The following NAP1L2 variants were observed in gnomAD, a reference collection of about 807,000 sequenced individuals.
NAP1L2 encodes nucleosome assembly protein 1 like 2, also known as nucleosome assembly protein 1-like 2.
For synonymous variants in NAP1L2, 165 were observed against 126.0 expected, an observed-to-expected ratio of 1.31 and a Z score of -2.07; for missense variants, 376 against 338.5, an observed-to-expected ratio of 1.11 and a Z score of -0.87.
In NAP1L2 at chrX:73,214,425, A is replaced by G. The variant is rs753396487; in HGVS notation, c.68T>C (p.Met23Thr). 6 of 1,210,494 alleles carry G rather than the reference A, an allele frequency of 5.0e-6. No individual in the cohort carries two copies. Among genetic ancestry groups the G allele is most frequent in the Non-Finnish European group, 6.7e-6 (6 of 895,237 alleles). ...SSQEEAGNQIMVEGLGEHLER... is the reference protein window; with the variant it reads ...SSQEEAGNQITVEGLGEHLER... Reference sequence around the variant, plus strand: ...CAGATGTTCCCCGAGCCCTTCCACCATTATCTGATTACCAGCCTCTTCTTG... The same window carrying G: ...CAGATGTTCCCCGAGCCCTTCCACCGTTATCTGATTACCAGCCTCTTCTTG... The change falls in exon 1 of 1, where the codon ATG (methionine) becomes ACG (threonine). Residue 23 changes from methionine (M) to threonine (T), a missense_variant. Met to Thr is a moderately conservative substitution (Grantham distance 81). Transcript: ENST00000373517.
Position 73,213,116 on chromosome X carries a change from A to G in NAP1L2, c.1377T>C (p.Asp459=), listed in dbSNP as rs760897261. The G allele has an allele frequency of 8.3e-7, 1 of 1,201,571 alleles. No individual in the cohort carries two copies. The highest frequency in any genetic ancestry group is 1.1e-6 in the Non-Finnish European group (1 of 890,512). Reference sequence around the variant, plus strand: ...GGGCCATGTATACTCTGCTCTAACGATCAATGTCTTCTACTAATGCCTCAA... The same window carrying G: ...GGGCCATGTATACTCTGCTCTAACGGTCAATGTCTTCTACTAATGCCTCAA... The part of the protein sequence containing the change: ...KNLEALVEDI[D]R Residue 459 remains aspartate, a synonymous_variant, in exon 1 of 1, where the codon GAT becomes GAC. Transcript: ENST00000373517.
rs547173627 is a variant in NAP1L2, at chrX:73,212,519, A to G, written c.*591T>C. ...ACTTCACCGACAAACAATAACCTCAATATAACTAAGTTTCATTATTTATCA... is the reference window on the plus strand; with the variant it reads ...ACTTCACCGACAAACAATAACCTCAGTATAACTAAGTTTCATTATTTATCA... On this transcript the variant is annotated 3_prime_UTR_variant, in exon 1 of 1. Transcript: ENST00000373517. 2.7e-5 allele frequency: 3 copies of G among 112,108 alleles called. No homozygotes were observed. The highest frequency in any genetic ancestry group is 9.7e-5 in the African/African-American group (3 of 30,960). 9.2% of individuals were successfully genotyped at this position (112,108 alleles called of 1,213,427 possible). A position where few individuals can be genotyped will look rare whatever the true frequency, so the allele number is the denominator to read the frequency against.
chrX:73,212,836 C>A lies in NAP1L2; in HGVS notation c.*274G>T, dbSNP rs1603302607. The A allele has an allele frequency of 3.9e-6, 1 of 255,829 alleles. No homozygotes were observed. Among genetic ancestry groups the A allele is most frequent in the East Asian group, 6.1e-5 (1 of 16,420 alleles). The allele number at this position is 255,829 out of a possible 1,213,427, so 21.1% of individuals were successfully genotyped here. The stretch of plus-strand genomic sequence containing the variant: ...CTTAGCATTTCTGATCATTTCATAG[C>A]CACAGATTAATAGCTACATGACAAA... On this transcript the variant is annotated 3_prime_UTR_variant, in exon 1 of 1. Coordinates refer to ENST00000373517, the MANE Select transcript of NAP1L2 (RefSeq NM_021963.4).
In NAP1L2 at chrX:73,214,291, C is replaced by G; in HGVS notation, c.202G>C (p.Gly68Arg). The G allele has an allele frequency of 8.3e-7, 1 of 1,211,344 alleles. No individual in the cohort carries two copies. Among genetic ancestry groups the G allele is most frequent in the Non-Finnish European group, 1.1e-6 (1 of 895,470 alleles). Residue 68 changes from glycine to arginine, a missense_variant, in exon 1 of 1, where the codon GGG becomes CGG. By Grantham distance (125) the Gly-to-Arg change is moderately radical (BLOSUM62 -2). Coordinates refer to ENST00000373517, the MANE Select transcript of NAP1L2 (RefSeq NM_021963.4). ...EGENGEDTAAGSGEDGKKGGD... is the reference protein window; with the variant it reads ...EGENGEDTAARSGEDGKKGGD... Reference sequence around the variant, plus strand: ...CCTTTTTTCCCATCTTCCCCGGACCCAGCAGCAGTATCTTCACCGTTTTCC... The same window carrying G: ...CCTTTTTTCCCATCTTCCCCGGACCGAGCAGCAGTATCTTCACCGTTTTCC...
In NAP1L2 at chrX:73,213,801, T is replaced by G; in HGVS notation, c.692A>C (p.Asn231Thr). The G allele has an allele frequency of 2.5e-6, 3 of 1,211,279 alleles. No homozygotes were observed. Among genetic ancestry groups the G allele is most frequent in the Non-Finnish European group, 3.4e-6 (3 of 895,397 alleles). The change falls in exon 1 of 1, where the codon AAT becomes ACT. Residue 231 changes from asparagine (N) to threonine (T), a missense_variant. By Grantham distance (65) the Asn-to-Thr change is moderately conservative. Transcript: ENST00000373517. ...TCCCTTAGGATCCTCCTCTTCTTTA[T>G]TCTCTTCTCCAGTAGCCTCAATGTC... ...EDDIEATGEE[N>T]KEEEDPKGIP...
Position 73,213,650 on chromosome X carries a change from C to T in NAP1L2, c.843G>A (p.Glu281=), listed in dbSNP as rs374569651. Residue 281 remains glutamate (E), a synonymous_variant, in exon 1 of 1, where the codon GAG becomes GAA. Coordinates refer to ENST00000373517, the MANE Select transcript of NAP1L2 (RefSeq NM_021963.4). ...DIKVKLSDPG[E]PLSFTLEFHF... ...GAAATTCTAGTGTGAAACTGAGGGG[C>T]TCGCCAGGATCTGAAAGCTTAACTT... The T allele has an allele frequency of 8.5e-5, 103 of 1,209,219 alleles. 1 individual carries two copies. The highest frequency in any genetic ancestry group is 4.7e-4 in the East Asian group (16 of 33,771).
chrX:73,212,954 A>G lies in NAP1L2; in HGVS notation c.*156T>C, dbSNP rs983025549. ...TTTCTTGAAAACATTCTACTACTAA[A>G]ACTCAAGGTCAAATTAATTAGTTTT... On this transcript the variant is annotated 3_prime_UTR_variant, in exon 1 of 1. Transcript: ENST00000373517. The G allele has an allele frequency of 1.6e-5, 8 of 505,633 alleles. No homozygotes were observed. The Admixed American group carries it at 3.6e-4, about 23-fold the overall frequency. 41.7% of individuals were successfully genotyped at this position (505,633 alleles called of 1,213,427 possible).
At position 73,214,305 on chromosome X, in the gene NAP1L2, T is replaced by C. The variant is rs768320838; in HGVS notation, c.188A>G (p.Glu63Gly). The change falls in exon 1 of 1, where the codon GAA becomes GGA. Residue 63 changes from glutamate (E) to glycine (G), a missense_variant. Transcript: ENST00000373517. ...AGLGEEGENG[E>G]DTAAGSGEDG... The stretch of plus-strand genomic sequence containing the variant: ...TTCCCCGGACCCAGCAGCAGTATCT[T>C]CACCGTTTTCCCCTTCTTCCCCAAG... 7.4e-6 allele frequency: 9 copies of C among 1,208,712 alleles called. No individual in the cohort carries two copies. The Admixed American group carries it at 2.0e-4, about 27-fold the overall frequency.
rs2056139309 is a variant in NAP1L2, at chrX:73,213,280, C to G, written c.1213G>C (p.Val405Leu). ...NLRTYIIPRSVLFFSGDALES... is the reference protein window; with the variant it reads ...NLRTYIIPRSLLFFSGDALES... ...AGTGCATCACCTGAGAAAAATAATA[C>G]TGATCTTGGAATTATGTAAGTACGT... The change falls in exon 1 of 1, where the codon GTA becomes CTA. Residue 405 changes from valine (V) to leucine (L), a missense_variant. Val to Leu is a conservative substitution (Grantham distance 32). Transcript: ENST00000373517. 8.3e-7 allele frequency: 1 copy of G among 1,210,184 alleles called. No individual in the cohort carries two copies. Among genetic ancestry groups the G allele is most frequent in the African/African-American group, 1.7e-5 (1 of 57,349 alleles).
At position 73,213,331 on chromosome X, in the gene NAP1L2, C is replaced by T; in HGVS notation, c.1162G>A (p.Asp388Asn). The T allele has an allele frequency of 8.3e-7, 1 of 1,211,182 alleles. No individual in the cohort carries two copies. Among genetic ancestry groups the T allele is most frequent in the Non-Finnish European group, 1.1e-6 (1 of 894,926 alleles). ...GITSNGRDGNDDFLLGHNLRT... is the reference protein window; with the variant it reads ...GITSNGRDGNNDFLLGHNLRT... ...AAATTGTGACCAAGTAAAAAATCAT[C>T]ATTTCCATCCCTTCCATTTGAGGTG... Residue 388 changes from aspartate (D) to asparagine (N), a missense_variant, in exon 1 of 1, where the codon GAT becomes AAT. Coordinates refer to ENST00000373517, the MANE Select transcript of NAP1L2 (RefSeq NM_021963.4).
chrX:73,213,827 G>A lies in NAP1L2; in HGVS notation c.666C>T (p.Asp222=). The A allele has an allele frequency of 8.3e-7, 1 of 1,202,612 alleles. No homozygotes were observed. Among genetic ancestry groups the A allele is most frequent in the South Asian group, 1.8e-5 (1 of 56,194 alleles). ...VEEEEEEEEE[D]DIEATGEENK... ...TCTCTTCTCCAGTAGCCTCAATGTCGTCCTCCTCCTCCTCCTCCTCCTCCT... is the reference window on the plus strand; with the variant it reads ...TCTCTTCTCCAGTAGCCTCAATGTCATCCTCCTCCTCCTCCTCCTCCTCCT... The change falls in exon 1 of 1, where the codon GAC becomes GAT. Residue 222 remains aspartate, a synonymous_variant. Transcript: ENST00000373517.
In NAP1L2 at chrX:73,213,153, C is replaced by A; in HGVS notation, c.1340G>T (p.Cys447Phe). The change falls in exon 1 of 1, where the codon TGT becomes TTT. Residue 447 changes from cysteine to phenylalanine, a missense_variant. Cys to Phe is a radical substitution (Grantham distance 205). Coordinates refer to ENST00000373517, the MANE Select transcript of NAP1L2 (RefSeq NM_021963.4). ...TACTAATGCCTCAAGGTTTTTGCAA[C>A]AAGCTTTAACTTCCTCAATTGCAGC... ...WMAAIEEVKACCKNLEALVED... is the reference protein window; with the variant it reads ...WMAAIEEVKAFCKNLEALVED... 1 of 1,209,359 alleles carries A rather than the reference C, an allele frequency of 8.3e-7. No individual in the cohort carries two copies. Among genetic ancestry groups the A allele is most frequent in the Non-Finnish European group, 1.1e-6 (1 of 894,571 alleles).
At position 73,214,517 on chromosome X, in the gene NAP1L2, A is replaced by T; in HGVS notation, c.-25T>A. 1 of 1,185,877 alleles carries T rather than the reference A, an allele frequency of 8.4e-7. No individual in the cohort carries two copies. The highest frequency in any genetic ancestry group is 1.9e-5 in the South Asian group (1 of 53,279). Reference sequence around the variant, plus strand: ...TTTTTCAAAGGACCGTACACGCCTAAGGTGGCTACCACAGAGATCGGGAGA... The same window carrying T: ...TTTTTCAAAGGACCGTACACGCCTATGGTGGCTACCACAGAGATCGGGAGA... On this transcript the variant is annotated 5_prime_UTR_variant, in exon 1 of 1. Transcript: ENST00000373517.
rs750971638 is a variant in NAP1L2, at chrX:73,213,163, C to T, written c.1330G>A (p.Val444Ile). Residue 444 changes from valine to isoleucine, a missense_variant, in exon 1 of 1, where the codon GTT becomes ATT. Physicochemically the swap from Val to Ile is conservative, Grantham distance 29 (BLOSUM62 3). Transcript: ENST00000373517. ...YDNWMAAIEEVKACCKNLEAL... is the reference protein window; with the variant it reads ...YDNWMAAIEEIKACCKNLEAL... Reference sequence around the variant, plus strand: ...TCAAGGTTTTTGCAACAAGCTTTAACTTCCTCAATTGCAGCCATCCAATTA... The same window carrying T: ...TCAAGGTTTTTGCAACAAGCTTTAATTTCCTCAATTGCAGCCATCCAATTA... 2 of 1,210,556 alleles carry T rather than the reference C, an allele frequency of 1.7e-6. No homozygotes were observed. Among genetic ancestry groups the T allele is most frequent in the African/African-American group, 1.7e-5 (1 of 57,799 alleles).
chrX:73,213,561 T>C lies in NAP1L2; in HGVS notation c.932A>G (p.Lys311Arg). The C allele has an allele frequency of 8.3e-7, 1 of 1,211,580 alleles. No homozygotes were observed. The highest frequency in any genetic ancestry group is 1.8e-5 in the South Asian group (1 of 56,967). Residue 311 changes from lysine (K) to arginine (R), a missense_variant, in exon 1 of 1, where the codon AAG becomes AGG. Transcript: ENST00000373517. Reference protein sequence around the residue: ...LLTKTYVLKSKLAYYDPHPYR... With the variant: ...LLTKTYVLKSRLAYYDPHPYR... ...GGGATGGGGATCATAATATGCTAGC[T>C]TTGACTTCAGCACATAGGTCTTTGT...
chrX:73,214,569 C>G lies in NAP1L2; in HGVS notation c.-77G>C. On this transcript the variant is annotated 5_prime_UTR_variant, in exon 1 of 1. Transcript: ENST00000373517. ...CAAACCTCCACAGGAAAAGACTCACCGAAATATCAGAAGCGGCGGTGGTCG... is the reference window on the plus strand; with the variant it reads ...CAAACCTCCACAGGAAAAGACTCACGGAAATATCAGAAGCGGCGGTGGTCG... The G allele has an allele frequency of 9.3e-7, 1 of 1,071,694 alleles. No homozygotes were observed. The highest frequency in any genetic ancestry group is 1.3e-6 in the Non-Finnish European group (1 of 796,046). 88.3% of individuals were successfully genotyped at this position (1,071,694 alleles called of 1,213,427 possible). A position where few individuals can be genotyped will look rare whatever the true frequency, so the allele number is the denominator to read the frequency against.
In NAP1L2 at chrX:73,214,504, C is replaced by T. The variant is rs759325307; in HGVS notation, c.-12G>A. 8.3e-7 allele frequency: 1 copy of T among 1,198,073 alleles called. No homozygotes were observed. Among genetic ancestry groups the T allele is most frequent in the East Asian group, 3.0e-5 (1 of 33,631 alleles). On this transcript the variant is annotated 5_prime_UTR_variant, in exon 1 of 1. Transcript: ENST00000373517. ...TCTGACTCGGCCATTTTTCAAAGGA[C>T]CGTACACGCCTAAGGTGGCTACCAC... is the stretch of plus-strand genomic sequence containing the variant.
In NAP1L2 at chrX:73,214,395, C is replaced by A; in HGVS notation, c.98G>T (p.Arg33Leu). The change falls in exon 1 of 1, where the codon CGC becomes CTC. Residue 33 changes from arginine (R) to leucine (L), a missense_variant. Transcript: ENST00000373517. ...MVEGLGEHLE[R>L]GEDAAAGLGD... ...AAGCCCAGCAGCGGCATCTTCACCG[C>A]GCTCCAGATGTTCCCCGAGCCCTTC... 2.5e-6 allele frequency: 3 copies of A among 1,211,435 alleles called. No individual in the cohort carries two copies. Among genetic ancestry groups the A allele is most frequent in the Non-Finnish European group, 3.4e-6 (3 of 895,518 alleles).
In NAP1L2 at chrX:73,214,819, C is replaced by A. The variant is rs889467384; in HGVS notation, c.-327G>T. 9.8e-6 allele frequency: 2 copies of A among 204,470 alleles called. No homozygotes were observed. Among genetic ancestry groups the A allele is most frequent in the Admixed American group, 1.3e-4 (2 of 15,003 alleles). The allele number at this position is 204,470 out of a possible 1,213,427, so 16.9% of individuals were successfully genotyped here. ...AGCAGCTACTGCTGCAAGAAAAAAACGGTGCCGCAGTATGATTACGCAGCT... is the reference window on the plus strand; with the variant it reads ...AGCAGCTACTGCTGCAAGAAAAAAAAGGTGCCGCAGTATGATTACGCAGCT... On this transcript the variant is annotated 5_prime_UTR_variant, in exon 1 of 1. Transcript: ENST00000373517.
Sources: gnomAD v4.1 joint callset for allele counts on GRCh38, gnomAD v4.1.1 for gene constraint, MANE v1.5 for transcripts, NCBI Gene and HGNC (gene_info 2026-07-23, HGNC 2026-07-21) for gene names.